RBP4: variants seen among roughly 807,000 people sequenced by gnomAD.
The protein encoded by RBP4 is retinol binding protein 4, also known as retinol-binding protein 4.
A neutral mutation model predicts 26.2 loss-of-function variants in RBP4; 9 were observed. That is an observed-to-expected ratio of 0.34 (90% CI 0.21 to 0.60). The LOEUF (loss-of-function observed/expected upper bound fraction) is 0.60, where lower values mean the gene tolerates loss of function less well. Among genes scored for constraint, RBP4 ranks in the 20% least tolerant of loss-of-function variants. The pLI is 0.80. For synonymous variants in RBP4, 114 were observed against 111.0 expected (o/e 1.03, Z -0.17); for missense variants, 244 against 271.3 (o/e 0.90, Z 0.71).
At chr10:93,601,350 G>T (rs1340159407), upstream of RBP4, 2 of 1,242,046 alleles carry the variant, frequency 1.6e-6, no homozygotes, top group East Asian at 6.7e-5. Flanking sequence ...TGCATAACGC[G>T]CCCTGACTCA....
chr10:93,601,274 G>A (rs951456597), upstream of RBP4: 19 of 1,216,874 alleles, frequency 1.6e-5, no homozygotes, highest in Middle Eastern at 3.3e-4. Flanking sequence ...ATAGCGCCGG[G>A]GGGAGGGGGT....
intron 3 of RBP4, 24 bp downstream of exon 3, chr10:93,600,643 G>A (rs779810036): frequency 1.2e-6 from 2 of 1,611,946 alleles, no homozygotes; most frequent in African/African-American, 2.7e-5. Flanking sequence ...CGCAAAGGGC[G>A]CAGCTGCCCC....
intron 5 of RBP4, among the ~76,000 whole-genome samples, chr10:93,593,278 A>G (rs925590093): frequency 2.0e-5 from 3 of 152,232 alleles, no homozygotes; most frequent in African/African-American, 7.2e-5. Flanking sequence ...CTCCTAAAAG[A>G]TCCTATGGTT....
intron 4 of RBP4, among the ~76,000 whole-genome samples, chr10:93,599,598 G>C (rs1278138725): frequency 1.3e-5 from 2 of 152,090 alleles, no homozygotes; most frequent in Non-Finnish European, 2.9e-5. Context: ...AGTTCTCTTG[G>C]CCTCAGTTTA....
At position 93,592,105 on chromosome 10, in the gene RBP4, G is replaced by T; in HGVS notation, c.576C>A (p.Cys192Ter). ...AAAGGTTTCTTTCTGATCTGCCATC[G>T]CAGTAACCTGGAAAATACAAAACAA... Reference protein sequence around the residue: ...QYRLIVHNGYCDGRSERNLL With the variant: ...QYRLIVHNGY The change falls in exon 6 of 6, where the codon TGC becomes TGA. Residue 192 changes from cysteine (C) to a stop codon, truncating the protein, a stop_gained. Transcript: ENST00000371464. LOFTEE classifies it high-confidence loss of function. The T allele has an allele frequency of 6.2e-7, 1 of 1,613,978 alleles. No homozygotes were observed. Among genetic ancestry groups the T allele is most frequent in the Non-Finnish European group, 8.5e-7 (1 of 1,179,856 alleles).
intron 4 of RBP4, among the ~76,000 whole-genome samples, chr10:93,595,104 T>C (rs1435021741): frequency 6.6e-6 from 1 of 152,108 alleles, no homozygotes; most frequent in East Asian, 1.9e-4. Context: ...TGCACCACTG[T>C]ACTCCAGCCT....
In RBP4 at chr10:93,600,486, A is replaced by C; in HGVS notation, c.262T>G (p.Cys88Gly). Residue 88 changes from cysteine (C) to glycine (G), a missense_variant, in exon 4 of 6, where the codon TGC becomes GGC. Physicochemically the swap from Cys to Gly is radical, Grantham distance 159. Coordinates refer to ENST00000371464, the MANE Select transcript of RBP4 (RefSeq NM_006744.4). ...GTGAAGGTGCCCACCATGTCTGCGC[A>C]CACGTCCCAGTTACTGCAAAAGCCA... ...RVRLLNNWDV[C>G]ADMVGTFTDT... 6.2e-7 allele frequency: 1 copy of C among 1,614,088 alleles called. No individual in the cohort carries two copies. Among genetic ancestry groups the C allele is most frequent in the Non-Finnish European group, 8.5e-7 (1 of 1,180,026 alleles).
chr10:93,601,259 G>A, upstream of RBP4: 1 of 1,220,680 alleles, frequency 8.2e-7, no homozygotes, highest in Non-Finnish European at 1.0e-6. Context: ...CCGCCCCGCT[G>A]CTTTATAGCG....
At chr10:93,600,841 G>T in intron 2 of RBP4, 38 bp from the exon 3 acceptor site, 1 of 1,600,400 alleles carries the variant, frequency 6.2e-7, no homozygotes, top group East Asian at 2.3e-5. Flanking sequence ...GGCGTCCGGG[G>T]GCGCACGGCG....
At position 93,594,060 on chromosome 10, in the gene RBP4, C is replaced by T. The variant is rs12265684; in HGVS notation, c.356-25G>A. ...TCTGCAAGCCAGAAAGCCACCATGCCGATCAATGCCTTTCCCTCATGGGCT... is the reference window on the plus strand; with the variant it reads ...TCTGCAAGCCAGAAAGCCACCATGCTGATCAATGCCTTTCCCTCATGGGCT... On this transcript the variant is annotated intron_variant, in intron 4 of 5. Transcript: ENST00000371464. 4.3e-5 allele frequency: 69 copies of T among 1,607,922 alleles called. 1 individual carries two copies. The highest frequency in any genetic ancestry group is 5.8e-5 in the Non-Finnish European group (68 of 1,176,796).
At position 93,600,940 on chromosome 10, in the gene RBP4, T is replaced by C. The variant is rs1262010191; in HGVS notation, c.89A>G (p.Lys30Arg). ...RDCRVSSFRV[K>R]ENFDKARFSG... Reference sequence around the variant, plus strand: ...TACGCGAGCCTTGTCGAAGTTCTCCTTGACTCGGAAGCTGCTCACTCGGCA... The same window carrying C: ...TACGCGAGCCTTGTCGAAGTTCTCCCTGACTCGGAAGCTGCTCACTCGGCA... Residue 30 changes from lysine (K) to arginine (R), a missense_variant, in exon 2 of 6, where the codon AAG (lysine) becomes AGG (arginine). Coordinates refer to ENST00000371464, the MANE Select transcript of RBP4 (RefSeq NM_006744.4). 1 of 1,612,388 alleles carries C rather than the reference T, an allele frequency of 6.2e-7. No homozygotes were observed. The highest frequency in any genetic ancestry group is 8.5e-7 in the Non-Finnish European group (1 of 1,179,770).
At chr10:93,601,302 G>T, upstream of RBP4, 1 of 1,217,044 alleles carries the variant, frequency 8.2e-7, no homozygotes, top group Non-Finnish European at 1.0e-6. Flanking sequence ...TCGTAACCGC[G>T]CGGGGTGAAA....
chr10:93,600,677 G>C lies in RBP4; in HGVS notation c.238C>G (p.Arg80Gly). The C allele has an allele frequency of 1.2e-6, 2 of 1,611,700 alleles. No individual in the cohort carries two copies. Among genetic ancestry groups the C allele is most frequent in the Non-Finnish European group, 8.5e-7 (1 of 1,179,124 alleles). ...CCGGCGGCCACTGACTTCAAAAGACGGACTCGGCCCTTGGCTGTGGCGCTC... is the reference window on the plus strand; with the variant it reads ...CCGGCGGCCACTGACTTCAAAAGACCGACTCGGCCCTTGGCTGTGGCGCTC... ...QMSATAKGRV[R>G]LLNNWDVCAD... The change falls in exon 3 of 6, where the codon CGT becomes GGT. Residue 80 changes from arginine to glycine, a missense_variant. Arg to Gly is a moderately radical substitution (Grantham distance 125). Transcript: ENST00000371464.
intron 4 of RBP4, among the ~76,000 whole-genome samples, chr10:93,596,711 C>T (rs758507497): frequency 2.0e-5 from 3 of 152,172 alleles, no homozygotes; most frequent in Non-Finnish European, 2.9e-5. Flanking sequence ...GACTGCCAGT[C>T]CCAAAACCAA....
In RBP4 at chr10:93,600,823, A is replaced by AGG. The variant is rs756433072; in HGVS notation, c.112-22_112-21dup. Reference sequence around the variant, plus strand: ...AGAGAACTGTGAGAAGGATGACAGCAGGGGTTTGGCGTCCGGGGGCGCACG... The same window carrying AGG: ...AGAGAACTGTGAGAAGGATGACAGCAGGGGGGTTTGGCGTCCGGGGGCGCACG... On this transcript the variant is annotated intron_variant, in intron 2 of 5. Coordinates refer to ENST00000371464, the MANE Select transcript of RBP4 (RefSeq NM_006744.4). 7.5e-7 allele frequency: 1 copy of AGG among 1,325,102 alleles called. No individual in the cohort carries two copies. Among genetic ancestry groups the AGG allele is most frequent in the African/African-American group, 1.8e-5 (1 of 56,216 alleles). The allele number at this position is 1,325,102 out of a possible 1,614,324, so 82.1% of individuals were successfully genotyped here. A position where few individuals can be genotyped will look rare whatever the true frequency, so the allele number is the denominator to read the frequency against.
In RBP4 at chr10:93,591,932, C is replaced by G; in HGVS notation, c.*143G>C. ...AGGCAAGCAGATTCACTGACCCCCA[C>G]GTGTATCTTTATGTGTAATGAAGGT... On this transcript the variant is annotated 3_prime_UTR_variant, in exon 6 of 6. Coordinates refer to ENST00000371464, the MANE Select transcript of RBP4 (RefSeq NM_006744.4). The G allele has an allele frequency of 1.4e-6, 1 of 731,988 alleles. No homozygotes were observed. The highest frequency in any genetic ancestry group is 2.4e-6 in the Non-Finnish European group (1 of 414,874). 45.3% of individuals were successfully genotyped at this position (731,988 alleles called of 1,614,324 possible).
chr10:93,601,726 T>C (rs1257602217), upstream of RBP4: 11 of 778,104 alleles, frequency 1.4e-5, no homozygotes, highest in Non-Finnish European at 2.4e-5. Flanking sequence ...TCCAAGTAGT[T>C]TTTCATTTTA....
At position 93,601,057 on chromosome 10, in the gene RBP4, C is replaced by G. The variant is rs753882149; in HGVS notation, c.-18-11G>C. The G allele has an allele frequency of 1.0e-5, 16 of 1,603,934 alleles. 1 individual carries two copies. Among genetic ancestry groups the G allele is most frequent in the Middle Eastern group, 1.7e-4 (1 of 5,878 alleles). On this transcript the variant is annotated splice_polypyrimidine_tract_variant and intron_variant, in intron 1 of 5. Coordinates refer to ENST00000371464, the MANE Select transcript of RBP4 (RefSeq NM_006744.4). ...GCCCAGGAATCCGCCCTGCGGGAGACGCGCCTCCGTCAGTGCCCGGCAGCC... is the reference window on the plus strand; with the variant it reads ...GCCCAGGAATCCGCCCTGCGGGAGAGGCGCCTCCGTCAGTGCCCGGCAGCC...
intron 4 of RBP4, among the ~76,000 whole-genome samples, chr10:93,598,996 C>G (rs1018515398): frequency 3.3e-5 from 5 of 152,112 alleles, no homozygotes; most frequent in Non-Finnish European, 7.4e-5. Context: ...TACTTGTAAT[C>G]CCAGCACTTT....
Sources: gnomAD v4.1 joint callset for allele counts (sites outside exome capture counted in the v4.1 genomes callset) on GRCh38, gnomAD v4.1.1 for gene constraint, MANE v1.5 for transcripts, NCBI Gene and HGNC (gene_info 2026-07-23, HGNC 2026-07-21) for gene names.